The following ITGB6 variants were observed in gnomAD, a reference collection of about 807,000 sequenced individuals.
ITGB6 encodes the protein integrin subunit beta 6, also known as integrin beta-6.
ITGB6 carries 80 observed loss-of-function variants against 84.5 expected under a neutral mutation model. That is an observed-to-expected ratio of 0.95 (90% CI 0.79 to 1.14). ITGB6 has a LOEUF of 1.14. Ranked by LOEUF, ITGB6 falls within the 50% of genes most tolerant of loss-of-function variation. The pLI, the probability that ITGB6 is intolerant of heterozygous loss-of-function variation, is 0.00. For missense variants in ITGB6, 1,006 were observed against 968.0 expected (o/e 1.04, Z -0.52); for synonymous variants, 383 against 354.9 (o/e 1.08, Z -0.89).
chr2:160,105,880 G>C (rs1297116821), intron 14 of ITGB6, among the ~76,000 whole-genome samples: 1 of 152,192 alleles, frequency 6.6e-6, no homozygotes, highest in Non-Finnish European at 1.5e-5. Flanking sequence ...TGTTAGGGAT[G>C]AGTAAATTAT....
chr2:160,102,706 C>A (rs570057835), intron 14 of ITGB6, among the ~76,000 whole-genome samples: 16 of 152,178 alleles, frequency 1.1e-4, no homozygotes, highest in Non-Finnish European at 1.3e-4. Flanking sequence ...GATCAAGCCT[C>A]TCTAGTTGTT....
intron 7 of ITGB6, among the ~76,000 whole-genome samples, chr2:160,146,591 C>G (rs1684199431): frequency 6.6e-6 from 1 of 152,114 alleles, no homozygotes; most frequent in Admixed American, 6.5e-5. Context: ...TCACAAATTT[C>G]TCTTCAAATC....
chr2:160,171,215 A>C (rs896325076), intron 6 of ITGB6, among the ~76,000 whole-genome samples: 1 of 151,804 alleles, frequency 6.6e-6, no homozygotes, highest in South Asian at 2.1e-4. Context: ...ACCCCCACCT[A>C]CACCTCCACA....
At chr2:160,172,834 G>T in intron 5 of ITGB6, 104 bp from the exon 6 acceptor site, 1 of 833,976 alleles carries the variant, frequency 1.2e-6, no homozygotes, top group Non-Finnish European at 1.9e-6. Flanking sequence ...AAATAATATT[G>T]CTAGTCTATT....
intron 4 of ITGB6, among the ~76,000 whole-genome samples, chr2:160,179,494 C>T (rs1333951174): frequency 6.6e-6 from 1 of 150,478 alleles, no homozygotes; most frequent in Non-Finnish European, 1.5e-5. Context: ...GATTCTCCTG[C>T]CTCAGCCTCC....
chr2:160,184,604 A>G (rs1167649767), intron 4 of ITGB6, among the ~76,000 whole-genome samples: 1 of 152,230 alleles, frequency 6.6e-6, no homozygotes, highest in East Asian at 1.9e-4. Flanking sequence ...ATAGAAAAAG[A>G]GGGAATCCTC....
In ITGB6 at chr2:160,126,373, C is replaced by T. The variant is rs1683240273; in HGVS notation, c.1883+6G>A. On this transcript the variant is annotated splice_donor_region_variant and intron_variant, in intron 11 of 14. Coordinates refer to ENST00000283249, the MANE Select transcript of ITGB6 (RefSeq NM_000888.5). The stretch of plus-strand genomic sequence containing the variant: ...CATAAGGAATGGAGAAAAGCAGAGA[C>T]ATTACCGTTTAGAGTTACAGGGGTC... The T allele has an allele frequency of 1.9e-6, 3 of 1,612,590 alleles. No homozygotes were observed. The African/African-American group carries it at 4.0e-5, about 22-fold the overall frequency.
Position 160,159,813 on chromosome 2 carries a change from G to T in ITGB6, c.1017+9399C>A, listed in dbSNP as rs141832427. On this transcript the variant is annotated intron_variant, in intron 7 of 14. Coordinates refer to ENST00000283249, the MANE Select transcript of ITGB6 (RefSeq NM_000888.5). ...GTCTCACTTTCTCCCCCTTAATTATGGTCCATGGCTGCACACTATTCTTTT... is the reference window on the plus strand; with the variant it reads ...GTCTCACTTTCTCCCCCTTAATTATTGTCCATGGCTGCACACTATTCTTTT... Among the ~76,000 whole-genome samples the T allele has an allele frequency of 2.4e-3, 367 of 152,134 alleles. 1 individual carries two copies. The highest frequency in any genetic ancestry group is 8.1e-3 in the African/African-American group (337 of 41,484).
At chr2:160,182,916 A>G (rs1484122067) in intron 4 of ITGB6, among the ~76,000 whole-genome samples, 1 of 152,216 alleles carries the variant, frequency 6.6e-6, no homozygotes, top group African/African-American at 2.4e-5. Context: ...AAGGAGAAAT[A>G]AAATCCTTTA....
chr2:160,109,143 T>G (rs1697022576), intron 13 of ITGB6, among the ~76,000 whole-genome samples: 1 of 152,218 alleles, frequency 6.6e-6, no homozygotes. Context: ...TTGATGTGAA[T>G]CTGAGTGGGG....
At chr2:160,162,971 C>G (rs1198660765) in intron 7 of ITGB6, among the ~76,000 whole-genome samples, 1 of 152,148 alleles carries the variant, frequency 6.6e-6, no homozygotes, top group Non-Finnish European at 1.5e-5. Flanking sequence ...ATATGCTCAT[C>G]ATAAACCTAT....
At chr2:160,191,702 T>C (rs1464812296) in intron 4 of ITGB6, among the ~76,000 whole-genome samples, 1 of 152,048 alleles carries the variant, frequency 6.6e-6, no homozygotes, top group African/African-American at 2.4e-5. Context: ...AGAAGAAGCA[T>C]AGATATTGGA....
chr2:160,133,794 A>G (rs887178175), intron 10 of ITGB6, among the ~76,000 whole-genome samples: 2 of 152,210 alleles, frequency 1.3e-5, no homozygotes, highest in African/African-American at 2.4e-5. Context: ...ACAACCTGCA[A>G]CTGAATGACT....
At chr2:160,196,454 AAG>A in intron 2 of ITGB6, 34 bp from the exon 3 acceptor site, 3 of 1,539,124 alleles carry the variant, frequency 1.9e-6, no homozygotes, top group Non-Finnish European at 8.9e-7. Context: ...TAACCAGAAA[AAG>A]AAAACAAATC....
At chr2:160,146,034 C>A (rs961778364) in intron 7 of ITGB6, among the ~76,000 whole-genome samples, 33 of 152,238 alleles carry the variant, frequency 2.2e-4, no homozygotes, top group Middle Eastern at 6.8e-3. Flanking sequence ...TGTGACATTT[C>A]TACTATAGTC....
At chr2:160,129,996 C>T (rs1004957550) in intron 10 of ITGB6, among the ~76,000 whole-genome samples, 1 of 151,908 alleles carries the variant, frequency 6.6e-6, no homozygotes, top group Admixed American at 6.6e-5. Flanking sequence ...GGAATATGTA[C>T]CAAGAAATGC....
At chr2:160,154,063 C>T (rs891489559) in intron 7 of ITGB6, among the ~76,000 whole-genome samples, 7 of 152,174 alleles carry the variant, frequency 4.6e-5, no homozygotes, top group Admixed American at 3.9e-4. Flanking sequence ...TGCCATTTGA[C>T]CTAGCAATCC....
At chr2:160,177,033 C>CT (rs1341527455) in intron 4 of ITGB6, among the ~76,000 whole-genome samples, 1 of 152,064 alleles carries the variant, frequency 6.6e-6, no homozygotes, top group Non-Finnish European at 1.5e-5. Flanking sequence ...TTACCAAACT[C>CT]TTCCAAAAAA....
chr2:160,137,209 GA>G (rs1407535293), intron 10 of ITGB6, among the ~76,000 whole-genome samples: 5 of 152,132 alleles, frequency 3.3e-5, no homozygotes, highest in Non-Finnish European at 5.9e-5. Flanking sequence ...TACGCTTAGG[GA>G]AACAATAATA....
Sources: gnomAD v4.1 joint callset for allele counts (sites outside exome capture counted in the v4.1 genomes callset) on GRCh38, gnomAD v4.1.1 for gene constraint, MANE v1.5 for transcripts, NCBI Gene and HGNC (gene_info 2026-07-23, HGNC 2026-07-21) for gene names.